The following SIK3 variants were observed in gnomAD, a reference collection of about 807,000 sequenced individuals.
The protein encoded by SIK3 is SIK family kinase 3.
A neutral mutation model predicts 144.2 loss-of-function variants in SIK3; 28 were observed. The observed-to-expected ratio is 0.19, with a 90% confidence interval of 0.14 to 0.27. The LOEUF is 0.27. SIK3 is among the 10% of genes least tolerant of loss of function. SIK3 has a pLI of 1.00. For missense variants in SIK3, 1,319 were observed against 1,776.0 expected (o/e 0.74, Z 4.62); for synonymous variants, 686 against 676.3 (o/e 1.01, Z -0.22).
chr11:116,855,092 A>G (rs1315950884), intron 21 of SIK3, among the ~76,000 whole-genome samples: 1 of 131,156 alleles, frequency 7.6e-6, no homozygotes, highest in Non-Finnish European at 1.7e-5. Flanking sequence ...CCAAAAAAAA[A>G]AAAAAAAAAA....
At chr11:116,993,610 C>T (rs1265832488) in intron 1 of SIK3, among the ~76,000 whole-genome samples, 2 of 151,984 alleles carry the variant, frequency 1.3e-5, no homozygotes, top group East Asian at 3.8e-4. Flanking sequence ...TCCTTTAGTG[C>T]AATCCTAAAG....
chr11:116,971,624 G>C (rs938400640), intron 1 of SIK3, among the ~76,000 whole-genome samples: 1 of 152,064 alleles, frequency 6.6e-6, no homozygotes, highest in Non-Finnish European at 1.5e-5. Context: ...GCATCAATCA[G>C]CTTCAAGAAT....
intron 1 of SIK3, among the ~76,000 whole-genome samples, chr11:117,033,708 T>TA (rs11347459): frequency 0.074 from 6,752 of 91,214 alleles, 391 homozygotes; most frequent in African/African-American, 0.17. Context: ...AGACTCCGTC[T>TA]AAAAAAAAAA....
chr11:117,069,175 ATTT>A (rs762417651), intron 1 of SIK3, among the ~76,000 whole-genome samples: 2 of 28,034 alleles, frequency 7.1e-5, no homozygotes, highest in Admixed American at 4.4e-4. Context: ...AGTTGTTAAG[ATTT>A]TTTTTTGGGG....
Position 116,957,908 on chromosome 11 carries a change from A to G in SIK3, c.274-844T>C, listed in dbSNP as rs543581875. 2.2e-4 allele frequency among the ~76,000 whole-genome samples: 34 copies of G among 152,298 alleles called. 1 individual carries two copies. Among genetic ancestry groups the G allele is most frequent in the Admixed American group, 1.9e-3 (29 of 15,298 alleles). On this transcript the variant is annotated intron_variant, in intron 1 of 24. Coordinates refer to ENST00000445177, the MANE Select transcript of SIK3 (RefSeq NM_001366686.3). ...CTGCATCATAAAACATATCTTTCCA[A>G]TGTGCCCCCTTTTAATAAGATACTC...
At chr11:116,887,074 A>T (rs1457446447) in intron 6 of SIK3, among the ~76,000 whole-genome samples, 1 of 152,120 alleles carries the variant, frequency 6.6e-6, no homozygotes, top group Non-Finnish European at 1.5e-5. Context: ...AAGTCATTTG[A>T]CTTGGTCACC....
At chr11:116,882,371 G>A (rs762100973) in intron 6 of SIK3, among the ~76,000 whole-genome samples, 1 of 152,122 alleles carries the variant, frequency 6.6e-6, no homozygotes, top group Non-Finnish European at 1.5e-5. Context: ...GAAACAGAAG[G>A]CTTCCCGAAT....
intron 1 of SIK3, among the ~76,000 whole-genome samples, chr11:117,009,107 C>T (rs987103058): frequency 6.6e-6 from 1 of 151,670 alleles, no homozygotes; most frequent in South Asian, 2.1e-4. Flanking sequence ...TAGTGGTGTG[C>T]GCCTGTAATC....
chr11:117,033,997 A>G (rs1952383375), intron 1 of SIK3, among the ~76,000 whole-genome samples: 1 of 152,206 alleles, frequency 6.6e-6, no homozygotes, highest in Non-Finnish European at 1.5e-5. Context: ...CACGTTCTTC[A>G]TATGTTTAAT....
chr11:117,098,304 G>C lies in SIK3; in HGVS notation c.112C>G (p.Pro38Ala), dbSNP rs1451107092. 8.5e-7 allele frequency: 1 copy of C among 1,178,106 alleles called. No homozygotes were observed. Among genetic ancestry groups the C allele is most frequent in the Non-Finnish European group, 1.0e-6 (1 of 955,520 alleles). The allele number at this position is 1,178,106 out of a possible 1,614,324, so 73.0% of individuals were successfully genotyped here. ...CCGGCCGCAGGGGACACGGCAGCGG[G>C]GGCGGCTGGGGACCCCGGCGCGGGC... is the stretch of plus-strand genomic sequence containing the variant. ...PPPAPGSPAA[P>A]AAVSPAAGQP... is the part of the protein sequence containing the mutation. The change falls in exon 1 of 25, where the codon CCC becomes GCC. Residue 38 changes from proline (P) to alanine (A), a missense_variant. This residue lies in a region of SIK3 where 114 missense variants were observed against 116.2 expected (regional missense o/e 0.98). Transcript: ENST00000445177.
intron 4 of SIK3, among the ~76,000 whole-genome samples, chr11:116,915,273 A>G (rs1946573689): frequency 6.6e-6 from 1 of 151,974 alleles, no homozygotes; most frequent in African/African-American, 2.4e-5. Context: ...TGGCCTCCCA[A>G]AGTGCTGGGA....
At chr11:116,929,229 TA>T (rs1947459657) in intron 3 of SIK3, among the ~76,000 whole-genome samples, 1 of 152,206 alleles carries the variant, frequency 6.6e-6, no homozygotes, top group African/African-American at 2.4e-5. Flanking sequence ...ATTATTCTAA[TA>T]ATATGTTTTA....
chr11:116,906,916 T>C (rs571680640), intron 4 of SIK3, among the ~76,000 whole-genome samples: 134 of 152,324 alleles, frequency 8.8e-4, no homozygotes, highest in African/African-American at 3.1e-3. Context: ...TATACAAATA[T>C]ATTCAGAGTA....
At chr11:116,974,364 T>C (rs1949874335) in intron 1 of SIK3, among the ~76,000 whole-genome samples, 1 of 152,248 alleles carries the variant, frequency 6.6e-6, no homozygotes, top group South Asian at 2.1e-4. Context: ...ACTAGACCTA[T>C]ATCCAGAATC....
intron 3 of SIK3, among the ~76,000 whole-genome samples, chr11:116,929,670 A>G (rs554878403): frequency 6.6e-6 from 1 of 152,342 alleles, no homozygotes; most frequent in African/African-American, 2.4e-5. Flanking sequence ...TCTTCTAAAT[A>G]CAAGTAAACT....
chr11:117,091,191 T>G (rs895281697), intron 1 of SIK3, among the ~76,000 whole-genome samples: 1 of 128,040 alleles, frequency 7.8e-6, no homozygotes, highest in Non-Finnish European at 1.7e-5. Context: ...ATCCTGAGGT[T>G]TTTTTTTTCT....
At chr11:117,085,172 C>T (rs1037845402) in intron 1 of SIK3, among the ~76,000 whole-genome samples, 2 of 152,026 alleles carry the variant, frequency 1.3e-5, no homozygotes, top group African/African-American at 4.8e-5. Context: ...AATGCAGTGG[C>T]GCAACCATAG....
At chr11:116,924,782 C>T (rs1170354618) in intron 4 of SIK3, among the ~76,000 whole-genome samples, 1 of 152,152 alleles carries the variant, frequency 6.6e-6, no homozygotes, top group Non-Finnish European at 1.5e-5. Flanking sequence ...CCTCTGCTAT[C>T]CAGGTGGGCT....
rs373905110 is a variant in SIK3, at chr11:116,863,776, C to G, written c.1995G>C (p.Glu665Asp). Residue 665 changes from glutamate to aspartate, a missense_variant, in exon 16 of 25, where the codon GAG becomes GAC. By Grantham distance (45) the Glu-to-Asp change is conservative. This residue lies in a region of SIK3 where 77 missense variants were observed against 141.9 expected (regional missense o/e 0.54). Transcript: ENST00000445177. ...AGAACCGGCGCACAGGGGAGAAACGCTCCGTAGGGAGGTGCAGAGTGTTGG... is the reference window on the plus strand; with the variant it reads ...AGAACCGGCGCACAGGGGAGAAACGGTCCGTAGGGAGGTGCAGAGTGTTGG... The part of the protein sequence containing the change: ...KDSNTLHLPT[E>D]RFSPVRRFSD... 61 of 1,613,928 alleles carry G rather than the reference C, an allele frequency of 3.8e-5. No homozygotes were observed. The highest frequency in any genetic ancestry group is 5.0e-5 in the Non-Finnish European group (59 of 1,179,966).
Sources: gnomAD v4.1 joint callset for allele counts (sites outside exome capture counted in the v4.1 genomes callset) on GRCh38, gnomAD v4.1.1 for gene constraint, gnomAD v4.1.1 regional missense constraint, MANE v1.5 for transcripts, NCBI Gene and HGNC (gene_info 2026-07-23, HGNC 2026-07-21) for gene names.